RANBP17: variants seen among roughly 807,000 people sequenced by gnomAD.
RANBP17 encodes ran-binding protein 17.
RANBP17 carries 158 observed loss-of-function variants against 141.2 expected under a neutral mutation model. The observed-to-expected ratio is 1.12, with a 90% CI of 0.98 to 1.28. The LOEUF (loss-of-function observed/expected upper bound fraction) is 1.28. Ranked by LOEUF, RANBP17 falls within the 50% of genes most tolerant of loss-of-function variation. The probability of loss-of-function intolerance (pLI) is 0.00; values close to 1 mark genes in which losing one functional copy is unlikely to be tolerated. For missense variants in RANBP17, 1,438 were observed against 1,290.7 expected (o/e 1.11, Z -1.75); for synonymous variants, 430 against 450.0 (o/e 0.96, Z 0.56).
intron 14 of RANBP17, among the ~76,000 whole-genome samples, chr5:171,089,226 TG>T (rs1243638386): frequency 8.6e-6 from 1 of 115,836 alleles, no homozygotes; most frequent in Non-Finnish European, 2.0e-5. Flanking sequence ...CAGTGTGAGG[TG>T]TCAGTGTGCC....
intron 11 of RANBP17, among the ~76,000 whole-genome samples, chr5:170,923,702 A>C (rs1772667506): frequency 1.3e-5 from 2 of 152,164 alleles, no homozygotes; most frequent in South Asian, 4.1e-4. Flanking sequence ...TAGCCTTCAG[A>C]TCTTGCATAC....
At chr5:171,048,723 C>T (rs1454036273) in intron 14 of RANBP17, among the ~76,000 whole-genome samples, 2 of 152,158 alleles carry the variant, frequency 1.3e-5, no homozygotes, top group Non-Finnish European at 2.9e-5. Context: ...TAAGTGAGAA[C>T]ATGTGGCATT....
intron 7 of RANBP17, among the ~76,000 whole-genome samples, chr5:170,912,630 A>G (rs367563589): frequency 7.2e-4 from 110 of 152,056 alleles, no homozygotes; most frequent in African/African-American, 2.6e-3. Flanking sequence ...ATCCAGTGGA[A>G]AAGTTGTAAG....
chr5:170,865,372 G>T (rs1387352691), intron 1 of RANBP17, among the ~76,000 whole-genome samples: 1 of 152,106 alleles, frequency 6.6e-6, no homozygotes, highest in Non-Finnish European at 1.5e-5. Flanking sequence ...CCTGTTTGCA[G>T]TTTTAACAGC....
intron 25 of RANBP17, among the ~76,000 whole-genome samples, chr5:171,286,716 G>A (rs973268657): frequency 2.6e-5 from 4 of 152,046 alleles, no homozygotes; most frequent in South Asian, 2.1e-4. Context: ...TTCAATATCC[G>A]CTGTACACAT....
At chr5:171,071,886 T>C (rs779400085) in intron 14 of RANBP17, among the ~76,000 whole-genome samples, 37 of 152,048 alleles carry the variant, frequency 2.4e-4, no homozygotes, top group Non-Finnish European at 4.3e-4. Context: ...GACTTTATTA[T>C]CAAAAGTTTA....
chr5:171,226,284 G>C (rs1763873155), intron 22 of RANBP17, among the ~76,000 whole-genome samples: 1 of 152,014 alleles, frequency 6.6e-6, no homozygotes, highest in Non-Finnish European at 1.5e-5. Context: ...CTGGGTCCTG[G>C]TATCTTTAGT....
At chr5:170,890,950 C>T (rs951920587) in intron 3 of RANBP17, among the ~76,000 whole-genome samples, 1 of 152,050 alleles carries the variant, frequency 6.6e-6, no homozygotes, top group African/African-American at 2.4e-5. Flanking sequence ...CTCAGTGTCC[C>T]AAGTAGGTAG....
intron 14 of RANBP17, among the ~76,000 whole-genome samples, chr5:170,979,640 A>G (rs919564936): frequency 3.3e-5 from 5 of 152,312 alleles, no homozygotes; most frequent in East Asian, 1.9e-4. Flanking sequence ...TGCATAAGCT[A>G]TCTTAATTTG....
intron 20 of RANBP17, among the ~76,000 whole-genome samples, chr5:171,208,071 T>G (rs1242910301): frequency 6.6e-6 from 1 of 152,244 alleles, no homozygotes; most frequent in Non-Finnish European, 1.5e-5. Context: ...GGGGAAAGTT[T>G]ATTTGCCTTT....
At chr5:170,984,061 A>G (rs1437945177) in intron 14 of RANBP17, among the ~76,000 whole-genome samples, 2 of 152,176 alleles carry the variant, frequency 1.3e-5, no homozygotes, top group Non-Finnish European at 2.9e-5. Flanking sequence ...AATACTGAAT[A>G]AATAAATAAA....
rs563871279 is a variant in RANBP17 at position 171,241,078 on chromosome 5, A to G, written c.2573A>G (p.His858Arg). 1.7e-5 allele frequency: 28 copies of G among 1,613,948 alleles called. No homozygotes were observed. In the East Asian group the frequency reaches 4.0e-4, roughly 23 times the overall value. Residue 858 changes from histidine to arginine, a missense_variant, in exon 23 of 28, where the codon CAT becomes CGT. Transcript: ENST00000523189. ...GTCTTCAAGTTGTATGGGGACAACC[A>G]TTTTGACAATGTACTCCAGGCTTTT... Reference protein sequence around the residue: ...FGVFKLYGDNHFDNVLQAFVK... With the variant: ...FGVFKLYGDNRFDNVLQAFVK...
chr5:171,283,712 C>T (rs1473571716), intron 25 of RANBP17, among the ~76,000 whole-genome samples: 2 of 152,132 alleles, frequency 1.3e-5, no homozygotes, highest in Non-Finnish European at 2.9e-5. Flanking sequence ...CATATGTGAA[C>T]CCTAAGCAGT....
chr5:171,225,611 G>A (rs1398050530), intron 22 of RANBP17, among the ~76,000 whole-genome samples: 5 of 152,170 alleles, frequency 3.3e-5, no homozygotes, highest in African/African-American at 4.8e-5. Context: ...TGAAGGAAAG[G>A]GAAGCCAGTG....
intron 1 of RANBP17, among the ~76,000 whole-genome samples, chr5:170,864,461 G>A (rs891371911): frequency 4.6e-5 from 7 of 152,126 alleles, no homozygotes; most frequent in African/African-American, 1.4e-4. Context: ...GAGGGCAGAG[G>A]GATCAATATC....
intron 14 of RANBP17, among the ~76,000 whole-genome samples, chr5:171,118,191 G>C (rs774302633): frequency 6.6e-6 from 1 of 152,120 alleles, no homozygotes; most frequent in Non-Finnish European, 1.5e-5. Flanking sequence ...TGGAGGTCTA[G>C]TTTCGTACTT....
At chr5:171,117,435 GT>G (rs997385986) in intron 14 of RANBP17, among the ~76,000 whole-genome samples, 1 of 152,050 alleles carries the variant, frequency 6.6e-6, no homozygotes, top group Non-Finnish European at 1.5e-5. Context: ...AAATATGTTT[GT>G]TGGCCATTTC....
At position 170,931,312 on chromosome 5, in the gene RANBP17, C is replaced by G. The variant is rs1416147006; in HGVS notation, c.1468+6762C>G. Among the ~76,000 whole-genome samples the G allele has an allele frequency of 2.6e-5, 4 of 152,078 alleles. No individual in the cohort carries two copies. In the South Asian group the frequency reaches 8.3e-4, roughly 32 times the overall value. On this transcript the variant is annotated intron_variant, in intron 12 of 27. Coordinates refer to ENST00000523189, the MANE Select transcript of RANBP17 (RefSeq NM_022897.5). ...GTTCTTTGTAGATTCTGGATATTAG[C>G]CTTTTGTCAGATGGGTAGATTGTAA...
intron 11 of RANBP17, among the ~76,000 whole-genome samples, chr5:170,924,019 A>G (rs1336908096): frequency 1.3e-5 from 2 of 148,458 alleles, no homozygotes; most frequent in African/African-American, 2.5e-5. Context: ...TTTTTTAGAG[A>G]CAGAGTCTCG....
Sources: allele counts gnomAD v4.1 joint callset (sites outside exome capture counted in the v4.1 genomes callset), GRCh38; gene constraint gnomAD v4.1.1; transcripts MANE v1.5; gene names NCBI Gene and HGNC (gene_info 2026-07-23, HGNC 2026-07-21).